CELF2: variants seen among roughly 807,000 people sequenced by gnomAD.
CELF2 encodes CUG triplet repeat RNA-binding protein 2.
In CELF2, 8 loss-of-function variants were observed where a neutral mutation model predicts 62.6. That is an observed-to-expected ratio of 0.13 (90% CI 0.07 to 0.23). The LOEUF is 0.23. Among genes scored for constraint, CELF2 ranks in the 10% least tolerant of loss-of-function variants. The pLI is 1.00. For missense variants in CELF2, 333 were observed against 671.0 expected, an observed-to-expected ratio of 0.50 and a Z score of 5.56; for synonymous variants, 258 against 250.0, an observed-to-expected ratio of 1.03 and a Z score of -0.30.
At chr10:10,510,524 G>A in the CELF2 span, among the ~76,000 whole-genome samples, 1 of 152,290 alleles carries the variant, frequency 6.6e-6, no homozygotes, top group African/African-American at 2.4e-5. Flanking sequence ...TTTCATCAAT[G>A]TAGTGGTTTT....
Position 10,928,407 on chromosome 10 carries a change from C to A in CELF2, c.89+8408C>A, listed in dbSNP as rs1468637410. 6.6e-6 allele frequency among the ~76,000 whole-genome samples: 1 copy of A among 152,092 alleles called. No individual in the cohort carries two copies. The highest frequency in any genetic ancestry group is 1.9e-4 in the East Asian group (1 of 5,182). On this transcript the variant is annotated intron_variant, in intron 2 of 13. Transcript: ENST00000636488. This position sits in a 1 kb window ranked among gnomAD's most constrained non-coding sequence, Gnocchi z 4.8. ...TCTCTCTGCTCTTTTTCTCCCCTAC[C>A]AAACTCTCTACCACTTGTTCTTCTA...
chr10:11,106,592 A>G (rs907538195), intron 1 of CELF2, among the ~76,000 whole-genome samples: 1 of 152,260 alleles, frequency 6.6e-6, no homozygotes, highest in African/African-American at 2.4e-5. Context: ...TCATTTCTGT[A>G]GAACTACGAA....
the CELF2 span, among the ~76,000 whole-genome samples, chr10:10,602,822 C>T: frequency 1.4e-4 from 21 of 152,138 alleles, no homozygotes; most frequent in Non-Finnish European, 2.2e-4. Context: ...CAACAGGAGC[C>T]GGTCTTCTGT....
intron 1 of CELF2, among the ~76,000 whole-genome samples, chr10:11,123,632 C>T (rs1419041550): frequency 2.0e-5 from 3 of 152,170 alleles, no homozygotes; most frequent in African/African-American, 4.8e-5. Context: ...GGGCTGAACA[C>T]CATGTTGGGA....
intron 1 of CELF2, among the ~76,000 whole-genome samples, chr10:11,048,290 T>C (rs1008348556): frequency 7.9e-5 from 12 of 152,246 alleles, no homozygotes; most frequent in African/African-American, 2.9e-4. Flanking sequence ...TGACCTTTTT[T>C]TCCCCCTTTG....
chr10:10,548,540 G>C, the CELF2 span, among the ~76,000 whole-genome samples: 1 of 152,166 alleles, frequency 6.6e-6, no homozygotes, highest in African/African-American at 2.4e-5. Flanking sequence ...ACTCAAACTA[G>C]TTTACAGTTA....
At chr10:11,028,725 T>C (rs1254765733) in intron 1 of CELF2, among the ~76,000 whole-genome samples, 2 of 149,952 alleles carry the variant, frequency 1.3e-5, no homozygotes, top group Non-Finnish European at 3.0e-5. Flanking sequence ...AGCCTTTTTT[T>C]TTTTTTTTTT....
chr10:10,808,925 A>G (rs919106104), intron 1 of CELF2, among the ~76,000 whole-genome samples: 4 of 152,198 alleles, frequency 2.6e-5, no homozygotes, highest in African/African-American at 4.8e-5. Context: ...ATTGAAGCTC[A>G]TTTTTAAAAA....
chr10:11,061,857 G>A (rs2066817813), intron 1 of CELF2, among the ~76,000 whole-genome samples: 1 of 152,242 alleles, frequency 6.6e-6, no homozygotes, highest in Admixed American at 6.5e-5. Flanking sequence ...CTGTCACCTA[G>A]GCTGGAGTGC....
At chr10:11,024,307 A>C (rs531794221) in intron 1 of CELF2, among the ~76,000 whole-genome samples, 47 of 152,324 alleles carry the variant, frequency 3.1e-4, no homozygotes, top group African/African-American at 9.9e-4. Context: ...TTTAAATCTC[A>C]GTAATTAAAG....
chr10:10,634,142 T>C, the CELF2 span, among the ~76,000 whole-genome samples: 6 of 152,112 alleles, frequency 3.9e-5, no homozygotes, highest in Non-Finnish European at 5.9e-5. Flanking sequence ...TACAAATTCA[T>C]GTAAGATTCT....
Position 11,244,468 on chromosome 10 carries a change from A to C in CELF2, c.355-4685A>C, listed in dbSNP as rs555955607. ...GGAGATCGAGACCATCGTGGCTAAC[A>C]TGGTGAAACCCTGTCTCTGCTAAAA... On this transcript the variant is annotated intron_variant, in intron 3 of 12. Coordinates refer to ENST00000633077, the MANE Select transcript of CELF2 (RefSeq NM_001326342.2). This position sits in a 1 kb window ranked among gnomAD's most constrained non-coding sequence, Gnocchi z 4.2. Among the ~76,000 whole-genome samples the C allele has an allele frequency of 1.3e-5, 2 of 152,252 alleles. No individual in the cohort carries two copies. Among genetic ancestry groups the C allele is most frequent in the Admixed American group, 6.5e-5 (1 of 15,302 alleles).
the CELF2 span, among the ~76,000 whole-genome samples, chr10:10,731,953 T>C: frequency 1.3e-5 from 2 of 152,094 alleles, no homozygotes; most frequent in Non-Finnish European, 2.9e-5. Flanking sequence ...CTTTGCACCC[T>C]CTTGAGTCAA....
the CELF2 span, among the ~76,000 whole-genome samples, chr10:10,674,335 C>G: frequency 6.6e-6 from 1 of 152,294 alleles, no homozygotes; most frequent in Non-Finnish European, 1.5e-5. Flanking sequence ...CATACAGCAA[C>G]TCCTGCTTTC....
chr10:11,137,365 T>G (rs531376957), intron 1 of CELF2, among the ~76,000 whole-genome samples: 255 of 152,372 alleles, frequency 1.7e-3, no homozygotes, highest in Non-Finnish European at 2.5e-3. Flanking sequence ...TAAGGCATAT[T>G]CTTTGGGAGT....
chr10:10,552,030 G>A, the CELF2 span, among the ~76,000 whole-genome samples: 9 of 152,054 alleles, frequency 5.9e-5, no homozygotes, highest in Non-Finnish European at 1.2e-4. Context: ...AGAGGAGCAC[G>A]TGGAACATAA....
intron 1 of CELF2, among the ~76,000 whole-genome samples, chr10:11,040,461 A>G (rs976699671): frequency 2.0e-5 from 3 of 152,204 alleles, no homozygotes; most frequent in Non-Finnish European, 4.4e-5. Flanking sequence ...CAGAATTTTA[A>G]TTATGGAGCC....
At chr10:11,133,054 A>G (rs947094505) in intron 1 of CELF2, among the ~76,000 whole-genome samples, 6 of 152,222 alleles carry the variant, frequency 3.9e-5, no homozygotes, top group African/African-American at 1.4e-4. Flanking sequence ...TGAAAACATA[A>G]AACTATAAAG....
intron 1 of CELF2, among the ~76,000 whole-genome samples, chr10:11,142,207 GA>G (rs1320028337): frequency 2.0e-5 from 3 of 152,236 alleles, no homozygotes; most frequent in Non-Finnish European, 2.9e-5. Context: ...CTTGTTTCTT[GA>G]TGGGAGCAAA....
Sources: allele counts gnomAD v4.1 joint callset (sites outside exome capture counted in the v4.1 genomes callset), GRCh38; gene constraint gnomAD v4.1.1; non-coding constraint Gnocchi (gnomAD v3.1); transcripts MANE v1.5; gene names NCBI Gene and HGNC (gene_info 2026-07-23, HGNC 2026-07-21).